Variants in LDLRAD4 observed in about 807,000 individuals in gnomAD.
The protein encoded by LDLRAD4 is low-density lipoprotein receptor class A domain-containing protein 4.
A neutral mutation model predicts 17.0 loss-of-function variants in LDLRAD4; 5 were observed. The ratio of observed to expected loss-of-function variants is 0.29; its 90% CI spans 0.15 to 0.62. The LOEUF (loss-of-function observed/expected upper bound fraction) is 0.62. LDLRAD4 is among the 20% of genes least tolerant of loss of function. The pLI is 0.84. For synonymous variants in LDLRAD4, 168 were observed against 171.8 expected, an observed-to-expected ratio of 0.98 and a Z score of 0.17; for missense variants, 340 against 424.7, an observed-to-expected ratio of 0.80 and a Z score of 1.75.
At chr18:13,414,173 C>A (rs2088647454) in intron 2 of LDLRAD4, among the ~76,000 whole-genome samples, 1 of 152,188 alleles carries the variant, frequency 6.6e-6, no homozygotes, top group South Asian at 2.1e-4. Flanking sequence ...GGGGTGCCTG[C>A]CTTAGCAGGC....
intron 1 of LDLRAD4, among the ~76,000 whole-genome samples, chr18:13,358,864 T>C (rs914928959): frequency 6.6e-6 from 1 of 152,280 alleles, no homozygotes; most frequent in African/African-American, 2.4e-5. Flanking sequence ...TTAACACAAA[T>C]ATGATGAAAT....
At chr18:13,290,022 C>A (rs144144085) in intron 1 of LDLRAD4, among the ~76,000 whole-genome samples, 12 of 152,256 alleles carry the variant, frequency 7.9e-5, no homozygotes, top group South Asian at 4.1e-4. Context: ...TGTGGGCAGA[C>A]GTGGTGGGCT....
rs181074472 is a variant in LDLRAD4 at position 13,221,683 on chromosome 18, G to T, written c.-467+2695G>T. On this transcript the variant is annotated intron_variant, in intron 1 of 5. Coordinates refer to the LDLRAD4 transcript ENST00000399848. ...ATGTCATTTTTTTCCATCACAGGAG[G>T]AATTGAAAATGATGTCTGTATTGTC... Among the ~76,000 whole-genome samples, 4 of 152,294 alleles carry T rather than the reference G, an allele frequency of 2.6e-5. No individual in the cohort carries two copies. In the East Asian group the frequency reaches 7.7e-4, roughly 29 times the overall value.
At chr18:13,328,372 A>G (rs979578133) in intron 1 of LDLRAD4, among the ~76,000 whole-genome samples, 1 of 152,186 alleles carries the variant, frequency 6.6e-6, no homozygotes, top group African/African-American at 2.4e-5. Context: ...GACTCCTCCT[A>G]GAGCTCATTG....
At chr18:13,371,377 A>G (rs2084497064) in intron 1 of LDLRAD4, among the ~76,000 whole-genome samples, 1 of 152,182 alleles carries the variant, frequency 6.6e-6, no homozygotes, top group South Asian at 2.1e-4. Context: ...CACAAATGTT[A>G]AGCCCTTGCC....
At chr18:13,535,803 C>A (rs1043019986) in intron 3 of LDLRAD4, among the ~76,000 whole-genome samples, 2 of 152,110 alleles carry the variant, frequency 1.3e-5, no homozygotes, top group African/African-American at 4.8e-5. Context: ...ATGTTTAGTT[C>A]TATGATCCTA....
At chr18:13,264,113 C>A (rs1381088326) in intron 1 of LDLRAD4, among the ~76,000 whole-genome samples, 2 of 152,208 alleles carry the variant, frequency 1.3e-5, no homozygotes, top group Non-Finnish European at 2.9e-5. Context: ...GGATTGGGCC[C>A]CACCTGTCCC....
exon 6 of LDLRAD4, chr18:13,649,673 CT>C (rs1417696410): frequency 2.9e-5 from 5 of 170,284 alleles, no homozygotes; most frequent in African/African-American, 1.2e-4. Flanking sequence ...TTGAATTTTG[CT>C]ACTTAGAATG....
Position 13,367,426 on chromosome 18 carries a change from G to A in LDLRAD4, c.-382-19915G>A, listed in dbSNP as rs1307152156. Among the ~76,000 whole-genome samples the A allele has an allele frequency of 6.6e-6, 1 of 152,176 alleles. No individual in the cohort carries two copies. The highest frequency in any genetic ancestry group is 1.9e-4 in the East Asian group (1 of 5,196). The stretch of plus-strand genomic sequence containing the variant: ...GGGGGTCTCAGGCATTGAACTGCGT[G>A]GGGCACTCCATGGGGCAGAAAAGAG... On this transcript the variant is annotated intron_variant, in intron 1 of 5. Transcript: ENST00000359446. The surrounding 1 kb of genome is among the most constrained non-coding windows in gnomAD (Gnocchi z 4.1).
intron 3 of LDLRAD4, among the ~76,000 whole-genome samples, chr18:13,465,770 T>G (rs147451564): frequency 5.9e-5 from 9 of 152,334 alleles, no homozygotes; most frequent in African/African-American, 2.2e-4. Flanking sequence ...AGGCAATTTC[T>G]TCCTCTTTAC....
rs2046084972 is a variant in LDLRAD4 at position 13,293,462 on chromosome 18, ACCT to A, written c.-383+15279_-383+15281del. Reference sequence around the variant, plus strand: ...TTAAGGATAGATGCATGGAGCAAACACCTCCTCATGTAGAAGTTATGCAAACCT... The same window carrying A: ...TTAAGGATAGATGCATGGAGCAAACACCTCATGTAGAAGTTATGCAAACCT... On this transcript the variant is annotated intron_variant, in intron 1 of 5. Coordinates refer to ENST00000359446, the Ensembl canonical transcript of LDLRAD4. Among the ~76,000 whole-genome samples the A allele has an allele frequency of 1.3e-5, 2 of 152,078 alleles. 1 individual carries two copies. The highest frequency in any genetic ancestry group is 4.2e-4 in the South Asian group (2 of 4,814).
At chr18:13,222,525 C>T (rs976864141) in intron 1 of LDLRAD4, among the ~76,000 whole-genome samples, 3 of 152,176 alleles carry the variant, frequency 2.0e-5, no homozygotes, top group Admixed American at 2.0e-4. Flanking sequence ...AATAAATTAC[C>T]GCTGTCTGCA....
chr18:13,529,835 G>A (rs1018351643), intron 3 of LDLRAD4, among the ~76,000 whole-genome samples: 1 of 152,206 alleles, frequency 6.6e-6, no homozygotes, highest in Admixed American at 6.5e-5. Flanking sequence ...TTGTTACGCT[G>A]TTACTGCTTT....
chr18:13,612,222 G>A (rs112007414), intron 3 of LDLRAD4: 1 of 991,606 alleles, frequency 1.0e-6, no homozygotes, highest in South Asian at 4.6e-5. Context: ...AAGATGAGCC[G>A]TCTAGCTGCG....
intron 3 of LDLRAD4, among the ~76,000 whole-genome samples, chr18:13,495,898 G>A (rs539085768): frequency 3.3e-5 from 5 of 152,316 alleles, no homozygotes; most frequent in South Asian, 2.1e-4. Context: ...CAGTCGGGTC[G>A]CCTCGGCCTC....
At chr18:13,328,382 G>C (rs2081649609) in intron 1 of LDLRAD4, among the ~76,000 whole-genome samples, 1 of 152,180 alleles carries the variant, frequency 6.6e-6, no homozygotes, top group Admixed American at 6.5e-5. Flanking sequence ...AGAGCTCATT[G>C]AATATGCATA....
At chr18:13,468,403 G>T (rs948905658) in intron 3 of LDLRAD4, among the ~76,000 whole-genome samples, 1 of 152,164 alleles carries the variant, frequency 6.6e-6, no homozygotes, top group African/African-American at 2.4e-5. Context: ...CTGTTGGTGG[G>T]ACTGTAAACT....
At position 13,621,336 on chromosome 18, in the gene LDLRAD4, G is replaced by T. The variant is rs2040609841; in HGVS notation, c.336+65G>T. 2.3e-6 allele frequency: 3 copies of T among 1,322,446 alleles called. No homozygotes were observed. The highest frequency in any genetic ancestry group is 1.2e-5 in the South Asian group (1 of 84,914). The allele number at this position is 1,322,446 out of a possible 1,614,324, so 81.9% of individuals were successfully genotyped here. A position where few individuals can be genotyped will look rare whatever the true frequency, so the allele number is the denominator to read the frequency against. On this transcript the variant is annotated intron_variant, in intron 4 of 5. Transcript: ENST00000359446. The surrounding 1 kb of genome is among the most constrained non-coding windows in gnomAD (Gnocchi z 5.5). ...TGCAAGAGGCTTAGGAGCCCATCAG[G>T]GTTCAGAGGCCGGGAGTGCTTTCAG... is the stretch of plus-strand genomic sequence containing the variant.
intron 1 of LDLRAD4, among the ~76,000 whole-genome samples, chr18:13,243,730 C>T (rs1007312867): frequency 6.0e-5 from 9 of 150,520 alleles, no homozygotes; most frequent in Middle Eastern, 3.3e-3. Flanking sequence ...ACCCACCCAG[C>T]GACCCACCCA....
Sources: gnomAD v4.1 joint callset for allele counts (sites outside exome capture counted in the v4.1 genomes callset) on GRCh38, gnomAD v4.1.1 for gene constraint, Gnocchi (gnomAD v3.1) non-coding constraint, MANE v1.5 for transcripts, NCBI Gene and HGNC (gene_info 2026-07-23, HGNC 2026-07-21) for gene names.